Variants in PTPRM observed in about 807,000 individuals in gnomAD.
PTPRM encodes the protein protein tyrosine phosphatase receptor type M.
PTPRM carries 47 observed loss-of-function variants against 186.7 expected under a neutral mutation model. The observed-to-expected ratio is 0.25, with a 90% confidence interval of 0.20 to 0.32. The LOEUF is 0.32. Ranked by LOEUF, PTPRM falls within the 10% of genes least tolerant of loss-of-function variation. The probability of loss-of-function intolerance (pLI) is 1.00; values close to 1 mark genes in which losing one functional copy is unlikely to be tolerated. For missense variants in PTPRM, 1,494 were observed against 1,865.0 expected, an observed-to-expected ratio of 0.80 and a Z score of 3.66; for synonymous variants, 668 against 674.9, an observed-to-expected ratio of 0.99 and a Z score of 0.16.
At chr18:8,374,459 A>C (rs1568855691) in intron 24 of PTPRM, among the ~76,000 whole-genome samples, 1 of 152,180 alleles carries the variant, frequency 6.6e-6, no homozygotes, top group South Asian at 2.1e-4. Flanking sequence ...GATCACTCCT[A>C]TGTGGGTCAT....
chr18:8,339,058 A>G (rs993953716), intron 22 of PTPRM, among the ~76,000 whole-genome samples: 2 of 152,030 alleles, frequency 1.3e-5, no homozygotes, highest in Non-Finnish European at 2.9e-5. Flanking sequence ...TGTTGAAACG[A>G]TGATTTTTGA....
chr18:8,349,557 G>A (rs2095523180), intron 23 of PTPRM, among the ~76,000 whole-genome samples: 1 of 152,106 alleles, frequency 6.6e-6, no homozygotes, highest in South Asian at 2.1e-4. Flanking sequence ...ATAGGATGAA[G>A]CTGACATAAG....
chr18:8,176,056 CA>C (rs1352433032), intron 14 of PTPRM, among the ~76,000 whole-genome samples: 2 of 152,000 alleles, frequency 1.3e-5, no homozygotes, highest in Non-Finnish European at 2.9e-5. Flanking sequence ...GCAGTATTCA[CA>C]AAGTATTAAA....
At chr18:8,212,281 T>G (rs1219439474) in intron 14 of PTPRM, among the ~76,000 whole-genome samples, 1 of 152,094 alleles carries the variant, frequency 6.6e-6, no homozygotes, top group Non-Finnish European at 1.5e-5. Context: ...GAGAGAATGT[T>G]GTGTGCCAGT....
At chr18:8,235,518 A>C (rs1381135469) in intron 14 of PTPRM, among the ~76,000 whole-genome samples, 1 of 131,582 alleles carries the variant, frequency 7.6e-6, no homozygotes, top group Non-Finnish European at 1.6e-5. Context: ...TAATCTTTTC[A>C]ACCAGTTTTT....
At chr18:8,262,565 C>T (rs1359020428) in intron 19 of PTPRM, among the ~76,000 whole-genome samples, 1 of 152,208 alleles carries the variant, frequency 6.6e-6, no homozygotes, top group African/African-American at 2.4e-5. Context: ...GTGACTTCAG[C>T]TCCTCCTTCA....
chr18:8,259,218 G>C (rs1206861251), intron 19 of PTPRM, among the ~76,000 whole-genome samples: 1 of 152,130 alleles, frequency 6.6e-6, no homozygotes, highest in Non-Finnish European at 1.5e-5. Context: ...CAAAATACTA[G>C]GATTATAGGC....
At chr18:8,319,323 T>A (rs1158279617) in intron 22 of PTPRM, 109 bp downstream of exon 22, 1 of 745,414 alleles carries the variant, frequency 1.3e-6, no homozygotes, top group Non-Finnish European at 2.2e-6. Flanking sequence ...TTATTGCGGT[T>A]CTAGCCATCG....
chr18:8,024,165 CTGTTTT>C (rs1422355685), intron 7 of PTPRM, among the ~76,000 whole-genome samples: 1 of 151,946 alleles, frequency 6.6e-6, no homozygotes, highest in Non-Finnish European at 1.5e-5. Context: ...GAGTTGAGCT[CTGTTTT>C]TGTTTTATTT....
intron 4 of PTPRM, among the ~76,000 whole-genome samples, chr18:7,920,075 G>A (rs1381225610): frequency 6.6e-6 from 1 of 151,948 alleles, no homozygotes; most frequent in African/African-American, 2.4e-5. Context: ...TTACCTATGT[G>A]AGTGCCTTTA....
At chr18:8,159,929 ATAT>A (rs35669759) in intron 14 of PTPRM, among the ~76,000 whole-genome samples, 22,443 of 152,096 alleles carry the variant, frequency 0.15, 1,677 homozygotes, top group Middle Eastern at 0.18. Flanking sequence ...TGTAGTGTAG[ATAT>A]TATAATGGAC....
chr18:7,927,618 G>T (rs141251104), intron 5 of PTPRM, among the ~76,000 whole-genome samples: 12 of 152,022 alleles, frequency 7.9e-5, no homozygotes, highest in Non-Finnish European at 1.2e-4. Context: ...GTCTCTGCAC[G>T]TGCCATCTCT....
chr18:7,874,349 G>A (rs1210973296), intron 2 of PTPRM, among the ~76,000 whole-genome samples: 21 of 151,966 alleles, frequency 1.4e-4, no homozygotes, highest in Admixed American at 1.4e-3. Context: ...GAACGAACTG[G>A]GTCTCTATGT....
chr18:8,361,479 G>A (rs867938065), intron 23 of PTPRM, among the ~76,000 whole-genome samples: 1 of 152,184 alleles, frequency 6.6e-6, no homozygotes, highest in East Asian at 1.9e-4. Context: ...TTAAGAAATA[G>A]ACATGATTGT....
chr18:8,300,352 A>G (rs1311080291), intron 20 of PTPRM, among the ~76,000 whole-genome samples: 1 of 152,136 alleles, frequency 6.6e-6, no homozygotes, highest in Non-Finnish European at 1.5e-5. Flanking sequence ...AGCCTTCTCA[A>G]TGTCAGAATT....
chr18:7,999,343 G>A, intron 7 of PTPRM, among the ~76,000 whole-genome samples: 1 of 152,126 alleles, frequency 6.6e-6, no homozygotes, highest in Non-Finnish European at 1.5e-5. Context: ...ATAACCAGAT[G>A]ACATGGAGTG....
intron 1 of PTPRM, among the ~76,000 whole-genome samples, chr18:7,588,459 TCTTA>T (rs1180613063): frequency 1.3e-5 from 2 of 152,208 alleles, no homozygotes; most frequent in Non-Finnish European, 2.9e-5. Context: ...ATTTTAATGA[TCTTA>T]CTTTATAATG....
At chr18:8,278,586 A>G (rs898677061) in intron 19 of PTPRM, among the ~76,000 whole-genome samples, 2 of 152,232 alleles carry the variant, frequency 1.3e-5, no homozygotes, top group South Asian at 4.1e-4. Flanking sequence ...ATCACATTAT[A>G]CATTTCAGTG....
Position 8,041,507 on chromosome 18 carries a change from A to C in PTPRM, c.1133-28179A>C, listed in dbSNP as rs16952778. Reference sequence around the variant, plus strand: ...CAAGCATATTTGTCATTTCTACTACAGTGTGGTTATATCTTCTTTCTTATA... The same window carrying C: ...CAAGCATATTTGTCATTTCTACTACCGTGTGGTTATATCTTCTTTCTTATA... On this transcript the variant is annotated intron_variant, in intron 7 of 32. Coordinates refer to ENST00000580170, the MANE Select transcript of PTPRM (RefSeq NM_001105244.2). Among the ~76,000 whole-genome samples the C allele has an allele frequency of 3.1e-3, 469 of 152,084 alleles. 11 individuals are homozygous for C. The South Asian group carries it at 0.054, about 17-fold the overall frequency.
Sources: gnomAD v4.1 joint callset for allele counts (sites outside exome capture counted in the v4.1 genomes callset) on GRCh38, gnomAD v4.1.1 for gene constraint, MANE v1.5 for transcripts, NCBI Gene and HGNC (gene_info 2026-07-23, HGNC 2026-07-21) for gene names.